TENM2: variants seen among roughly 807,000 people sequenced by gnomAD.
TENM2 encodes the protein teneurin transmembrane protein 2.
Under a neutral mutation model 245.2 loss-of-function variants are expected in TENM2, and 52 were observed. That is an observed-to-expected ratio of 0.21 (90% CI 0.17 to 0.27). The LOEUF (loss-of-function observed/expected upper bound fraction) is 0.27. Ranked by LOEUF, TENM2 falls within the 10% of genes least tolerant of loss-of-function variation. The pLI is 1.00. For synonymous variants in TENM2, 1,363 were observed against 1,438.9 expected (o/e 0.95, Z 1.19); for missense variants, 3,046 against 3,666.8 (o/e 0.83, Z 4.37).
At chr5:168,195,760 G>T (rs1331149490) in intron 15 of TENM2, among the ~76,000 whole-genome samples, 1 of 151,954 alleles carries the variant, frequency 6.6e-6, no homozygotes, top group Admixed American at 6.6e-5. Flanking sequence ...GTGGCTTTAG[G>T]AGTTGTGTTG....
chr5:167,009,828 C>T, the TENM2 span, among the ~76,000 whole-genome samples: 2 of 152,098 alleles, frequency 1.3e-5, no homozygotes, highest in Non-Finnish European at 2.9e-5. Flanking sequence ...TAACTTTTTC[C>T]ATCCATCACA....
chr5:167,841,896 A>G (rs1769548813), intron 2 of TENM2, among the ~76,000 whole-genome samples: 1 of 151,790 alleles, frequency 6.6e-6, no homozygotes, highest in Non-Finnish European at 1.5e-5. Context: ...CTTTTTATTA[A>G]TATGTTTTAT....
intron 12 of TENM2, among the ~76,000 whole-genome samples, chr5:168,159,911 C>T (rs771719807): frequency 2.0e-5 from 3 of 152,124 alleles, no homozygotes; most frequent in Non-Finnish European, 2.9e-5. Context: ...ATTTTGAGTG[C>T]GTATCTCTGA....
At chr5:167,440,081 A>G (rs1007211662) in intron 2 of TENM2, among the ~76,000 whole-genome samples, 1 of 152,174 alleles carries the variant, frequency 6.6e-6, no homozygotes, top group African/African-American at 2.4e-5. Context: ...TTTGCAGTAA[A>G]TAGATTTTAT....
intron 1 of TENM2, among the ~76,000 whole-genome samples, chr5:167,342,092 G>A (rs1481473684): frequency 6.6e-6 from 1 of 152,128 alleles, no homozygotes; most frequent in Admixed American, 6.5e-5. Flanking sequence ...ATGGTGTCAC[G>A]ATTAATAAAT....
chr5:167,008,356 T>A, the TENM2 span, among the ~76,000 whole-genome samples: 1 of 152,112 alleles, frequency 6.6e-6, no homozygotes, highest in African/African-American at 2.4e-5. Context: ...CAGAAGAAGA[T>A]CTAAAAAGGG....
chr5:167,851,760 A>T (rs1770602208), intron 2 of TENM2, among the ~76,000 whole-genome samples: 1 of 152,152 alleles, frequency 6.6e-6, no homozygotes, highest in Admixed American at 6.5e-5. Flanking sequence ...TGGGAGGAAG[A>T]TGGGGAGGAA....
the TENM2 span, among the ~76,000 whole-genome samples, chr5:167,135,679 A>G: frequency 3.3e-5 from 5 of 152,142 alleles, no homozygotes; most frequent in Non-Finnish European, 7.3e-5. Flanking sequence ...CAGGAGGCTG[A>G]GGCAGGAGAC....
At chr5:167,670,023 G>T (rs1427239178) in intron 2 of TENM2, among the ~76,000 whole-genome samples, 1 of 152,118 alleles carries the variant, frequency 6.6e-6, no homozygotes, top group Non-Finnish European at 1.5e-5. Context: ...TGAAAGGAAG[G>T]TAATACCCTC....
chr5:168,090,218 C>CCACACACA (rs3083413), intron 7 of TENM2, among the ~76,000 whole-genome samples: 1,412 of 136,746 alleles, frequency 0.01, 22 homozygotes, highest in African/African-American at 0.034. Flanking sequence ...ACTCCCCCCA[C>CCACACACA]CACACACACA....
the TENM2 span, among the ~76,000 whole-genome samples, chr5:167,147,570 AG>A: frequency 2.0e-5 from 3 of 152,176 alleles, no homozygotes; most frequent in Non-Finnish European, 4.4e-5. Context: ...TCAGATTGAC[AG>A]GGAATATTTC....
chr5:167,060,520 G>A, the TENM2 span, among the ~76,000 whole-genome samples: 11 of 151,674 alleles, frequency 7.3e-5, no homozygotes, highest in East Asian at 2.1e-3. Flanking sequence ...GCATGGTGGT[G>A]AGCACCTGTA....
At chr5:166,982,942 A>G in the TENM2 span, among the ~76,000 whole-genome samples, 1 of 152,062 alleles carries the variant, frequency 6.6e-6, no homozygotes, top group East Asian at 1.9e-4. Flanking sequence ...ATTTGCTGAG[A>G]GCAAATAGCA....
the TENM2 span, among the ~76,000 whole-genome samples, chr5:167,142,574 G>A: frequency 5.3e-5 from 8 of 151,662 alleles, no homozygotes; most frequent in Non-Finnish European, 1.2e-4. Context: ...ATATTGAGAC[G>A]GAGTCTCACT....
At chr5:168,250,865 T>C (rs6889555) in intron 27 of TENM2, among the ~76,000 whole-genome samples, 76,963 of 151,906 alleles carry the variant, frequency 0.51, 21,195 homozygotes, top group South Asian at 0.61. Context: ...AAAACACACA[T>C]ATATAGTATT....
chr5:167,057,867 A>C, the TENM2 span, among the ~76,000 whole-genome samples: 1 of 152,110 alleles, frequency 6.6e-6, no homozygotes, highest in Non-Finnish European at 1.5e-5. Flanking sequence ...CCTGGAGTTA[A>C]AACTCACAAA....
intron 2 of TENM2, among the ~76,000 whole-genome samples, chr5:167,451,946 G>T (rs536726793): frequency 1.4e-4 from 21 of 152,246 alleles, no homozygotes; most frequent in African/African-American, 3.9e-4. Context: ...ACCGCGTCTG[G>T]CAGCAACTGA....
At chr5:167,857,407 A>T (rs960194865) in intron 2 of TENM2, among the ~76,000 whole-genome samples, 40 of 152,318 alleles carry the variant, frequency 2.6e-4, no homozygotes, top group African/African-American at 9.6e-4. Context: ...AATTATTTCT[A>T]GTACACACAT....
At chr5:167,592,908 C>A (rs769488281) in intron 2 of TENM2, among the ~76,000 whole-genome samples, 19 of 152,034 alleles carry the variant, frequency 1.2e-4, no homozygotes, top group Non-Finnish European at 2.2e-4. Context: ...CTAGGCATAT[C>A]ATATAAAATG....
Sources: allele counts gnomAD v4.1 joint callset (sites outside exome capture counted in the v4.1 genomes callset), GRCh38; gene constraint gnomAD v4.1.1; transcripts MANE v1.5; gene names NCBI Gene and HGNC (gene_info 2026-07-23, HGNC 2026-07-21).